The following MUC7 variants were observed in gnomAD, a reference collection of about 807,000 sequenced individuals.
MUC7 encodes the protein mucin-7.
Under a neutral mutation model 2.5 loss-of-function variants are expected in MUC7, and 2 were observed. The ratio of observed to expected loss-of-function variants is 0.81; its 90% CI spans 0.33 to 2.55. MUC7 has a LOEUF of 2.55. Ranked by LOEUF, MUC7 falls within the 30% of genes most tolerant of loss-of-function variation. The pLI, the probability that MUC7 is intolerant of heterozygous loss-of-function variation, is 0.11. For missense variants in MUC7, 408 were observed against 455.6 expected (o/e 0.90, Z 0.95); for synonymous variants, 133 against 173.4 (o/e 0.77, Z 1.83).
chr4:70,432,162 G>A (rs974128583), intron 1 of MUC7, among the ~76,000 whole-genome samples: 4 of 152,192 alleles, frequency 2.6e-5, no homozygotes, highest in Non-Finnish European at 5.9e-5. Flanking sequence ...GGACATTTGG[G>A]TTGGTTCCAA....
chr4:70,449,690 C>CT (rs1734232964), intron 1 of MUC7, among the ~76,000 whole-genome samples: 1 of 152,180 alleles, frequency 6.6e-6, no homozygotes, highest in Non-Finnish European at 1.5e-5. Context: ...GCTGTGGTTC[C>CT]TGTGGGCTCA....
chr4:70,454,077 C>T (rs1254400685), intron 1 of MUC7, among the ~76,000 whole-genome samples: 1 of 152,010 alleles, frequency 6.6e-6, no homozygotes, highest in Non-Finnish European at 1.5e-5. Flanking sequence ...ATAAAGGACT[C>T]TCTCATTGCT....
intron 1 of MUC7, among the ~76,000 whole-genome samples, chr4:70,444,988 G>A (rs571551506): frequency 6.6e-6 from 1 of 152,182 alleles, no homozygotes; most frequent in African/African-American, 2.4e-5. Context: ...GGAGGAGGAG[G>A]TTGCACCACT....
intron 1 of MUC7, among the ~76,000 whole-genome samples, chr4:70,446,615 G>T (rs1734146296): frequency 6.6e-6 from 1 of 152,148 alleles, no homozygotes; most frequent in African/African-American, 2.4e-5. Flanking sequence ...GATTACATCT[G>T]CAATGACTAT....
chr4:70,457,351 G>A (rs1473115989), intron 1 of MUC7, among the ~76,000 whole-genome samples: 2 of 152,048 alleles, frequency 1.3e-5, no homozygotes, highest in Admixed American at 6.6e-5. Context: ...AAGACAGGTG[G>A]GAGAATCGCT....
intron 1 of MUC7, among the ~76,000 whole-genome samples, chr4:70,464,595 G>A (rs955248767): frequency 6.6e-6 from 1 of 152,128 alleles, no homozygotes; most frequent in African/African-American, 2.4e-5. Context: ...GGCTTGAGTA[G>A]GTGGTTTTCC....
At chr4:70,476,073 T>A (rs1200350327) in intron 2 of MUC7, among the ~76,000 whole-genome samples, 2 of 152,184 alleles carry the variant, frequency 1.3e-5, no homozygotes, top group East Asian at 3.8e-4. Context: ...CCAATTTCCC[T>A]ATGTGTAAAA....
chr4:70,463,804 T>C (rs1457588222), intron 1 of MUC7, among the ~76,000 whole-genome samples: 2 of 152,202 alleles, frequency 1.3e-5, no homozygotes, highest in African/African-American at 4.8e-5. Flanking sequence ...AAGGTACCAT[T>C]CTATGAATTA....
At position 70,475,857 on chromosome 4, in the gene MUC7, C is replaced by T. The variant is rs968855786; in HGVS notation, c.54+1782C>T. Among the ~76,000 whole-genome samples, 8 of 152,082 alleles carry T rather than the reference C, an allele frequency of 5.3e-5. No individual in the cohort carries two copies. In the South Asian group the frequency reaches 8.3e-4, roughly 16 times the overall value. On this transcript the variant is annotated intron_variant, in intron 2 of 2. Transcript: ENST00000304887. ...AGGGCAGAAGAACTGATGAAGTGGA[C>T]GGAATTTACTCTTGGATATTCTCAT... is the stretch of plus-strand genomic sequence containing the variant.
chr4:70,461,439 G>A (rs1483000178), intron 1 of MUC7, among the ~76,000 whole-genome samples: 2 of 152,146 alleles, frequency 1.3e-5, no homozygotes, highest in Non-Finnish European at 2.9e-5. Context: ...GTGTTTTACT[G>A]ATTTTCCAGT....
chr4:70,478,850 T>C (rs1735085198), intron 2 of MUC7, among the ~76,000 whole-genome samples: 1 of 152,224 alleles, frequency 6.6e-6, no homozygotes, highest in Non-Finnish European at 1.5e-5. Context: ...CAGAGATTCC[T>C]GGAGTCAGTG....
At position 70,438,456 on chromosome 4, in the gene MUC7, T is replaced by TTTTGGTTTGG. The variant is rs757547379; in HGVS notation, c.-93+7778_-93+7787dup. 3.0e-3 allele frequency among the ~76,000 whole-genome samples: 461 copies of TTTTGGTTTGG among 151,458 alleles called. 4 individuals are homozygous for TTTTGGTTTGG. Among genetic ancestry groups the TTTTGGTTTGG allele is most frequent in the African/African-American group, 0.011 (434 of 41,174 alleles). On this transcript the variant is annotated intron_variant, in intron 1 of 3. Transcript: ENST00000413702. Reference sequence around the variant, plus strand: ...TTTTGTTTTGTTTTGTTTTGTTTTGTTTTGGTTTGGTTTGGTTTTGAGACA... The same window carrying TTTTGGTTTGG: ...TTTTGTTTTGTTTTGTTTTGTTTTGTTTTGGTTTGGTTTGGTTTGGTTTGGTTTTGAGACA...
At chr4:70,467,303 A>C (rs2109733468), upstream of MUC7, among the ~76,000 whole-genome samples, 1 of 152,372 alleles carries the variant, frequency 6.6e-6, no homozygotes, top group Admixed American at 6.5e-5. Flanking sequence ...CACAAGAGAA[A>C]GTAGAAAAGA....
rs192849167 is a variant in MUC7, at chr4:70,433,822, T to C, written c.-93+3135T>C. Among the ~76,000 whole-genome samples, 467 of 152,334 alleles carry C rather than the reference T, an allele frequency of 3.1e-3. 4 individuals are homozygous for C. Among genetic ancestry groups the C allele is most frequent in the African/African-American group, 0.011 (440 of 41,578 alleles). On this transcript the variant is annotated intron_variant, in intron 1 of 3. Transcript: ENST00000413702. ...TGTGCCAGTTTTCAAAGGGAATGCT[T>C]CCAGTTTTTGCCCATTCAGTATAAT...
At chr4:70,443,815 C>T (rs1475610430) in intron 1 of MUC7, among the ~76,000 whole-genome samples, 2 of 152,090 alleles carry the variant, frequency 1.3e-5, no homozygotes, top group Non-Finnish European at 2.9e-5. Context: ...CTTGGCAAAC[C>T]AAAATCACAC....
At chr4:70,435,199 G>A (rs1733795515) in intron 1 of MUC7, among the ~76,000 whole-genome samples, 1 of 152,192 alleles carries the variant, frequency 6.6e-6, no homozygotes, top group Non-Finnish European at 1.5e-5. Flanking sequence ...TTGGGGTGGA[G>A]AATTCTGTAG....
At chr4:70,430,597 T>C (rs1272460392) in exon 1 of MUC7, 1 of 152,122 alleles carries the variant, frequency 6.6e-6, no homozygotes, top group Non-Finnish European at 1.5e-5. Flanking sequence ...TTAAGTTGCT[T>C]CTTGGCTACC....
At position 70,438,429 on chromosome 4, in the gene MUC7, AGTTTTGTTTT is replaced by A. The variant is rs751882688; in HGVS notation, c.-93+7764_-93+7773del. On this transcript the variant is annotated intron_variant, in intron 1 of 3. Transcript: ENST00000413702. ...GAAAACTTAACACTTCAGGAAATGA[AGTTTTGTTTT>A]GTTTTGTTTTGTTTTGTTTTGGTTT... is the stretch of plus-strand genomic sequence containing the variant. 2.8e-4 allele frequency among the ~76,000 whole-genome samples: 35 copies of A among 124,830 alleles called. No homozygotes were observed. In the East Asian group the frequency reaches 4.2e-3, roughly 15 times the overall value. The allele number at this position is 124,830 out of a possible 152,430, so 81.9% of individuals were successfully genotyped here.
intron 1 of MUC7, among the ~76,000 whole-genome samples, chr4:70,433,069 G>A (rs1386881742): frequency 3.3e-5 from 5 of 152,066 alleles, no homozygotes; most frequent in Non-Finnish European, 5.9e-5. Flanking sequence ...TGAAGGCTCT[G>A]TTCTGTTCCA....
Sources: allele counts gnomAD v4.1 joint callset (sites outside exome capture counted in the v4.1 genomes callset), GRCh38; gene constraint gnomAD v4.1.1; transcripts MANE v1.5; gene names NCBI Gene and HGNC (gene_info 2026-07-23, HGNC 2026-07-21).